The following SLC2A9 variants were observed in gnomAD, a reference collection of about 807,000 sequenced individuals.
SLC2A9 encodes the protein solute carrier family 2 member 9, also known as solute carrier family 2, facilitated glucose transporter member 9.
Under a neutral mutation model 50.6 loss-of-function variants are expected in SLC2A9, and 39 were observed. The observed-to-expected ratio is 0.77, with a 90% confidence interval of 0.60 to 1.01. The LOEUF (loss-of-function observed/expected upper bound fraction) is 1.01, where lower values mean the gene tolerates loss of function less well. Among genes scored for constraint, SLC2A9 ranks in the 50% least tolerant of loss-of-function variants. SLC2A9 has a pLI of 0.00. For synonymous variants in SLC2A9, 324 were observed against 276.9 expected (o/e 1.17, Z -1.69); for missense variants, 686 against 677.6 (o/e 1.01, Z -0.14).
chr4:10,018,849 C>T, intron 2 of SLC2A9, 126 bp downstream of exon 2: 2 of 886,662 alleles, frequency 2.3e-6, no homozygotes, highest in Non-Finnish European at 3.5e-6. Flanking sequence ...GGGGGCTAAT[C>T]TCTGTCCCCG....
intron 8 of SLC2A9, among the ~76,000 whole-genome samples, chr4:9,897,513 A>C (rs1577762695): frequency 6.6e-6 from 1 of 152,114 alleles, no homozygotes; most frequent in Non-Finnish European, 1.5e-5. Flanking sequence ...CTTTATTTTT[A>C]GGTGATTCAG....
chr4:9,776,698 T>G (rs1717614716), downstream of SLC2A9, among the ~76,000 whole-genome samples: 1 of 152,166 alleles, frequency 6.6e-6, no homozygotes, highest in Non-Finnish European at 1.5e-5. Context: ...TGCTCCACCA[T>G]AGCGTTCTGG....
At chr4:9,954,781 C>A (rs1750916277) in intron 5 of SLC2A9, among the ~76,000 whole-genome samples, 1 of 152,126 alleles carries the variant, frequency 6.6e-6, no homozygotes, top group African/African-American at 2.4e-5. Flanking sequence ...CAGGCATTCC[C>A]CACCAGGAAT....
chr4:9,777,821 C>T (rs1717767107), downstream of SLC2A9, among the ~76,000 whole-genome samples: 2 of 152,174 alleles, frequency 1.3e-5, no homozygotes, highest in South Asian at 4.1e-4. Flanking sequence ...CCAGGGCTCT[C>T]CTGGAACACA....
intron 6 of SLC2A9, among the ~76,000 whole-genome samples, chr4:9,930,526 G>A (rs770456431): frequency 6.6e-6 from 1 of 152,184 alleles, no homozygotes; most frequent in African/African-American, 2.4e-5. Context: ...TCGGGGCAGC[G>A]CTTGCACTAG....
At chr4:9,946,007 T>C (rs1749076685) in intron 5 of SLC2A9, among the ~76,000 whole-genome samples, 1 of 152,134 alleles carries the variant, frequency 6.6e-6, no homozygotes, top group Admixed American at 6.5e-5. Context: ...AAACCGCATA[T>C]TACTCGCCTG....
At chr4:10,023,335 C>T (rs968964879), upstream of SLC2A9, among the ~76,000 whole-genome samples, 11 of 152,310 alleles carry the variant, frequency 7.2e-5, no homozygotes, top group Non-Finnish European at 1.2e-4. Flanking sequence ...TGGAGGGCCC[C>T]TCTGCCCCTA....
chr4:9,875,225 A>T (rs1189100308), intron 10 of SLC2A9, among the ~76,000 whole-genome samples: 1 of 144,508 alleles, frequency 6.9e-6, no homozygotes, highest in Non-Finnish European at 1.5e-5. Flanking sequence ...AGAAATGGCC[A>T]TAGGTTACTC....
At chr4:10,020,693 G>A (rs1036298043) in intron 1 of SLC2A9, among the ~76,000 whole-genome samples, 5 of 152,302 alleles carry the variant, frequency 3.3e-5, no homozygotes, top group Non-Finnish European at 7.4e-5. Flanking sequence ...GCTGGGCATC[G>A]TTTCTGTGCT....
At chr4:9,942,185 G>A in intron 5 of SLC2A9, 140 bp from the exon 6 acceptor site, 1 of 1,041,582 alleles carries the variant, frequency 9.6e-7, no homozygotes, top group Non-Finnish European at 1.5e-6. Context: ...CTGAGGGAAG[G>A]AACTGAGCCA....
At position 10,029,561 on chromosome 4, in the gene SLC2A9, T is replaced by TTTTATTTTAA. The variant is rs1251794933; in HGVS notation, c.-40-3556_-40-3555insTTAAAATAAA. ...GGAATTTTTTAAATATTTTATTTTATTTTATTTATTTTATATTTTTATTTT... is the reference window on the plus strand; with the variant it reads ...GGAATTTTTTAAATATTTTATTTTATTTTATTTTAATTTATTTATTTTATATTTTTATTTT... On this transcript the variant is annotated intron_variant, in intron 1 of 12. Transcript: ENST00000309065. 4.5e-5 allele frequency among the ~76,000 whole-genome samples: 5 copies of TTTTATTTTAA among 111,392 alleles called. No homozygotes were observed. The East Asian group carries it at 6.1e-4, about 14-fold the overall frequency. The allele number at this position is 111,392 out of a possible 152,430, so 73.1% of individuals were successfully genotyped here.
At chr4:9,990,691 C>T (rs1336266284) in intron 3 of SLC2A9, among the ~76,000 whole-genome samples, 1 of 152,084 alleles carries the variant, frequency 6.6e-6, no homozygotes, top group African/African-American at 2.4e-5. Context: ...CCATTGAAGC[C>T]TCTTGTTTTG....
chr4:9,980,239 G>A (rs536000154), intron 5 of SLC2A9, among the ~76,000 whole-genome samples: 1 of 152,212 alleles, frequency 6.6e-6, no homozygotes, highest in South Asian at 2.1e-4. Context: ...AAAACACCAG[G>A]TTGTAGAACA....
intron 10 of SLC2A9, among the ~76,000 whole-genome samples, chr4:9,868,826 T>C (rs543218891): frequency 6.6e-6 from 1 of 152,278 alleles, no homozygotes; most frequent in South Asian, 2.1e-4. Flanking sequence ...TTGAGATAAC[T>C]AAGTCAGTTC....
At chr4:9,986,732 G>T (rs1006835074) in intron 3 of SLC2A9, among the ~76,000 whole-genome samples, 10 of 152,012 alleles carry the variant, frequency 6.6e-5, no homozygotes, top group Admixed American at 6.5e-4. Context: ...TCTCAAACAA[G>T]ATTAGGGAAA....
intron 10 of SLC2A9, among the ~76,000 whole-genome samples, chr4:9,877,872 T>C (rs1467862631): frequency 6.6e-6 from 1 of 152,194 alleles, no homozygotes; most frequent in Non-Finnish European, 1.5e-5. Flanking sequence ...CAGGCTCCTG[T>C]TGGGGCACAC....
At chr4:9,890,953 C>T (rs1023665219) in intron 8 of SLC2A9, among the ~76,000 whole-genome samples, 1 of 152,202 alleles carries the variant, frequency 6.6e-6, no homozygotes, top group Non-Finnish European at 1.5e-5. Context: ...GCACTCTCCT[C>T]CGAATCTTCC....
chr4:10,016,033 C>T (rs1235846863), intron 2 of SLC2A9, among the ~76,000 whole-genome samples: 1 of 152,190 alleles, frequency 6.6e-6, no homozygotes, highest in Non-Finnish European at 1.5e-5. Context: ...CTCAAGGCCT[C>T]CTCGGGGTGC....
At position 9,799,700 on chromosome 4, in the gene SLC2A9, C is replaced by CCCCG. The variant is rs1553813199; in HGVS notation, n.421-460_421-459insCGGG. Among the ~76,000 whole-genome samples the CCCCG allele has an allele frequency of 3.0e-4, 28 of 93,716 alleles. 1 individual carries two copies. Among genetic ancestry groups the CCCCG allele is most frequent in the African/African-American group, 1.1e-3 (28 of 25,168 alleles). The allele number at this position is 93,716 out of a possible 152,430, so 61.5% of individuals were successfully genotyped here. ...AGCTCCATTCCAATTGTACCCCCCC[C>CCCCG]CCACCCAACTTCTACACCAGTTTTG... On this transcript the variant is annotated intron_variant and non_coding_transcript_variant, in intron 3 of 3. Coordinates refer to the SLC2A9 transcript ENST00000503280.
Sources: allele counts gnomAD v4.1 joint callset (sites outside exome capture counted in the v4.1 genomes callset), GRCh38; gene constraint gnomAD v4.1.1; transcripts MANE v1.5; gene names NCBI Gene and HGNC (gene_info 2026-07-23, HGNC 2026-07-21).